The following KCNH1 variants were observed in gnomAD, a reference collection of about 807,000 sequenced individuals.
KCNH1 encodes the protein voltage-gated delayed rectifier potassium channel KCNH1.
Under a neutral mutation model 69.2 loss-of-function variants are expected in KCNH1, and 27 were observed. The ratio of observed to expected loss-of-function variants is 0.39; its 90% confidence interval spans 0.29 to 0.54. KCNH1 has a LOEUF of 0.54. Among genes scored for constraint, KCNH1 ranks in the 20% least tolerant of loss-of-function variants. KCNH1 has a pLI of 0.68. For synonymous variants in KCNH1, 456 were observed against 487.7 expected (o/e 0.93, Z 0.86); for missense variants, 798 against 1,261.6 (o/e 0.63, Z 5.57).
At chr1:211,101,586 A>C (rs541198000) in intron 3 of KCNH1, among the ~76,000 whole-genome samples, 14 of 152,158 alleles carry the variant, frequency 9.2e-5, no homozygotes, top group Non-Finnish European at 1.9e-4. Context: ...GCAATTCCAG[A>C]CCATGGTCCA....
At chr1:210,933,237 A>G (rs1245903397) in intron 6 of KCNH1, among the ~76,000 whole-genome samples, 1 of 152,168 alleles carries the variant, frequency 6.6e-6, no homozygotes, top group Non-Finnish European at 1.5e-5. Flanking sequence ...ATTGGAAATC[A>G]TCATTCTCAG....
chr1:211,071,689 T>A (rs1009808882), intron 5 of KCNH1, among the ~76,000 whole-genome samples: 1 of 152,252 alleles, frequency 6.6e-6, no homozygotes, highest in Middle Eastern at 3.2e-3. Flanking sequence ...ATATATTTTA[T>A]GCATTCATGA....
chr1:210,835,308 C>A (rs1685258923), intron 7 of KCNH1, among the ~76,000 whole-genome samples: 1 of 152,054 alleles, frequency 6.6e-6, no homozygotes, highest in Admixed American at 6.6e-5. Flanking sequence ...TTAATTTTAA[C>A]ACAAAAAGTA....
intron 6 of KCNH1, among the ~76,000 whole-genome samples, chr1:210,975,610 T>C (rs926038146): frequency 6.6e-6 from 1 of 152,206 alleles, no homozygotes; most frequent in Admixed American, 6.6e-5. Flanking sequence ...GAAGATGGAT[T>C]AAAGACTTAT....
At chr1:210,865,796 C>G (rs1686094764) in intron 7 of KCNH1, among the ~76,000 whole-genome samples, 1 of 151,502 alleles carries the variant, frequency 6.6e-6, no homozygotes, top group Admixed American at 6.6e-5. Flanking sequence ...TCTTACTTTT[C>G]CCCCAACTCT....
intron 5 of KCNH1, among the ~76,000 whole-genome samples, chr1:211,078,813 G>A (rs1571629326): frequency 6.6e-6 from 1 of 151,422 alleles, no homozygotes; most frequent in African/African-American, 2.4e-5. Flanking sequence ...AGCTGCTCGG[G>A]AGGCTGAGGC....
chr1:210,778,521 A>T (rs1683905636), intron 9 of KCNH1, among the ~76,000 whole-genome samples: 1 of 117,332 alleles, frequency 8.5e-6, no homozygotes, highest in Non-Finnish European at 1.8e-5. Context: ...ACAGAGCAAG[A>T]CTCTGTCTCA....
chr1:210,877,892 A>T (rs1686412276), intron 7 of KCNH1, among the ~76,000 whole-genome samples: 1 of 152,178 alleles, frequency 6.6e-6, no homozygotes. Context: ...TTCTGTCATT[A>T]ACAGTGTAAG....
intron 5 of KCNH1, among the ~76,000 whole-genome samples, chr1:211,041,761 T>A (rs369647768): frequency 7.1e-4 from 108 of 152,188 alleles, no homozygotes; most frequent in African/African-American, 2.4e-3. Flanking sequence ...GCTTTTTTGT[T>A]GTTGTTTTTT....
chr1:210,842,762 T>C (rs992126491), intron 7 of KCNH1, among the ~76,000 whole-genome samples: 1 of 152,162 alleles, frequency 6.6e-6, no homozygotes, highest in African/African-American at 2.4e-5. Flanking sequence ...ATGCAGTCCT[T>C]TTTACCACTG....
intron 7 of KCNH1, among the ~76,000 whole-genome samples, chr1:210,844,632 T>C (rs1319733468): frequency 6.6e-5 from 10 of 152,156 alleles, no homozygotes; most frequent in African/African-American, 1.4e-4. Flanking sequence ...GCAGGAAAGA[T>C]CTAAAATAGA....
chr1:210,971,926 T>C (rs184798820), intron 6 of KCNH1, among the ~76,000 whole-genome samples: 1 of 152,282 alleles, frequency 6.6e-6, no homozygotes, highest in East Asian at 1.9e-4. Flanking sequence ...AATCCATTAT[T>C]ATGTCTTTAA....
intron 7 of KCNH1, chr1:210,859,216 T>G (rs572258520): frequency 6.2e-7 from 1 of 1,612,166 alleles, no homozygotes; most frequent in African/African-American, 1.3e-5. Context: ...TGAAAGAACT[T>G]GGCACAACTG....
chr1:210,812,292 T>G (rs988079472), intron 7 of KCNH1, among the ~76,000 whole-genome samples: 1 of 152,182 alleles, frequency 6.6e-6, no homozygotes, highest in South Asian at 2.1e-4. Flanking sequence ...ATATAGACTT[T>G]AACACCCTCC....
At chr1:210,852,915 T>C (rs912709719) in intron 7 of KCNH1, among the ~76,000 whole-genome samples, 1 of 152,202 alleles carries the variant, frequency 6.6e-6, no homozygotes, top group African/African-American at 2.4e-5. Flanking sequence ...AAGATGAGTT[T>C]CACATCACAT....
chr1:210,953,064 AG>A (rs1472106329), intron 6 of KCNH1, among the ~76,000 whole-genome samples: 2 of 152,188 alleles, frequency 1.3e-5, no homozygotes, highest in African/African-American at 4.8e-5. Context: ...AGATAATCAA[AG>A]CTATCAAATA....
chr1:211,080,081 C>T (rs1571630493), intron 5 of KCNH1, among the ~76,000 whole-genome samples: 1 of 152,288 alleles, frequency 6.6e-6, no homozygotes, highest in East Asian at 1.9e-4. Flanking sequence ...ATCGTCTCAG[C>T]CCAAAATCTC....
chr1:210,828,438 G>A (rs1299810441), intron 7 of KCNH1, among the ~76,000 whole-genome samples: 1 of 152,136 alleles, frequency 6.6e-6, no homozygotes, highest in African/African-American at 2.4e-5. Context: ...CGTTCCCATA[G>A]TAACATCTAG....
chr1:211,016,196 G>C (rs1008149431), intron 6 of KCNH1, among the ~76,000 whole-genome samples: 1 of 152,072 alleles, frequency 6.6e-6, no homozygotes, highest in African/African-American at 2.4e-5. Context: ...AGTTTGTTTG[G>C]AAGGAGTTCC....
Sources: gnomAD v4.1 joint callset for allele counts (sites outside exome capture counted in the v4.1 genomes callset) on GRCh38, gnomAD v4.1.1 for gene constraint, MANE v1.5 for transcripts, NCBI Gene and HGNC (gene_info 2026-07-23, HGNC 2026-07-21) for gene names.